Variants in CCDC85A observed in about 807,000 individuals in gnomAD.
CCDC85A encodes coiled-coil domain-containing protein 85A.
A neutral mutation model predicts 50.2 loss-of-function variants in CCDC85A; 38 were observed. The observed-to-expected ratio is 0.76, with a 90% CI of 0.58 to 0.99. The LOEUF (loss-of-function observed/expected upper bound fraction) is 0.99. Ranked by LOEUF, CCDC85A falls within the 50% of genes least tolerant of loss-of-function variation. The pLI, the probability that CCDC85A is intolerant of heterozygous loss-of-function variation, is 0.00. For missense variants in CCDC85A, 820 were observed against 742.0 expected (o/e 1.11, Z -1.22); for synonymous variants, 366 against 301.4 (o/e 1.21, Z -2.22).
intron 2 of CCDC85A, among the ~76,000 whole-genome samples, chr2:56,329,943 CTGTTTTTTTT>C (rs1257261227): frequency 1.7e-3 from 38 of 22,890 alleles, no homozygotes; most frequent in East Asian, 4.0e-3. Flanking sequence ...TACAGATTTC[CTGTTTTTTTT>C]TTTTTTTTTT....
intron 3 of CCDC85A, among the ~76,000 whole-genome samples, chr2:56,349,580 T>C (rs1397990584): frequency 6.6e-6 from 1 of 152,146 alleles, no homozygotes; most frequent in East Asian, 1.9e-4. Flanking sequence ...TCTTCAGAGA[T>C]TTCCTCATAT....
At chr2:56,197,584 G>A (rs901394642) in intron 2 of CCDC85A, among the ~76,000 whole-genome samples, 2 of 152,158 alleles carry the variant, frequency 1.3e-5, no homozygotes, top group Non-Finnish European at 2.9e-5. Context: ...TCTAATGAGT[G>A]GACCAGTTGG....
chr2:56,255,783 A>T (rs1463570880), intron 2 of CCDC85A, among the ~76,000 whole-genome samples: 1 of 152,058 alleles, frequency 6.6e-6, no homozygotes, highest in Non-Finnish European at 1.5e-5. Context: ...TTGTTTTATG[A>T]GGGATAGAGG....
intron 2 of CCDC85A, among the ~76,000 whole-genome samples, chr2:56,203,323 C>G (rs1380178649): frequency 6.6e-6 from 1 of 151,698 alleles, no homozygotes; most frequent in African/African-American, 2.4e-5. Context: ...AGTTTGGAAT[C>G]AAGCTTTTCA....
intron 2 of CCDC85A, among the ~76,000 whole-genome samples, chr2:56,336,701 G>A (rs1202045381): frequency 6.6e-6 from 1 of 152,178 alleles, no homozygotes; most frequent in African/African-American, 2.4e-5. Flanking sequence ...GAAACAAAAG[G>A]GAAGTAAAGA....
chr2:56,261,875 G>T (rs894592262), intron 2 of CCDC85A, among the ~76,000 whole-genome samples: 1 of 152,062 alleles, frequency 6.6e-6, no homozygotes. Flanking sequence ...ATGCACTTTA[G>T]CTCTCAACTG....
chr2:56,305,798 C>T (rs1388732661), intron 2 of CCDC85A, among the ~76,000 whole-genome samples: 1 of 152,138 alleles, frequency 6.6e-6, no homozygotes, highest in Non-Finnish European at 1.5e-5. Context: ...GATTAATTGC[C>T]GAATTTATTT....
rs1675927719 is a variant in CCDC85A at position 56,184,786 on chromosome 2, C to T, written c.162C>T (p.Arg54=). 6 of 1,546,562 alleles carry T rather than the reference C, an allele frequency of 3.9e-6. No homozygotes were observed. Among genetic ancestry groups the T allele is most frequent in the Middle Eastern group, 2.0e-4 (1 of 5,060 alleles). The change falls in exon 1 of 6, where the codon CGC becomes CGT. Residue 54 remains arginine, a synonymous_variant. Transcript: ENST00000407595. ...LLQWSKEELI[R]SLRRAEAEKV... is the part of the protein sequence containing the mutation. ...AGTGGAGCAAGGAGGAGCTGATCCG[C>T]AGCCTGCGGCGCGCCGAGGCGGAGA...
intron 2 of CCDC85A, among the ~76,000 whole-genome samples, chr2:56,303,436 C>T (rs1672296363): frequency 6.6e-6 from 1 of 152,030 alleles, no homozygotes; most frequent in Admixed American, 6.6e-5. Flanking sequence ...AGTGCTTAAT[C>T]AGTATTTATT....
intron 2 of CCDC85A, among the ~76,000 whole-genome samples, chr2:56,278,731 G>A (rs1036652504): frequency 6.6e-6 from 1 of 151,944 alleles, no homozygotes; most frequent in Non-Finnish European, 1.5e-5. Flanking sequence ...CCACCACCAC[G>A]CCCGGCTAAT....
intron 2 of CCDC85A, among the ~76,000 whole-genome samples, chr2:56,306,415 G>A (rs10198922): frequency 0.31 from 47,456 of 151,940 alleles, 7,909 homozygotes; most frequent in East Asian, 0.47. Flanking sequence ...GGTGTAAGCC[G>A]CTGTGCCTGG....
At chr2:56,306,182 T>C (rs1672436502) in intron 2 of CCDC85A, among the ~76,000 whole-genome samples, 1 of 151,974 alleles carries the variant, frequency 6.6e-6, no homozygotes, top group African/African-American at 2.4e-5. Context: ...CAGGCTGGAG[T>C]GCAATGGTGC....
chr2:56,275,526 T>C (rs1464202096), intron 2 of CCDC85A, among the ~76,000 whole-genome samples: 1 of 152,118 alleles, frequency 6.6e-6, no homozygotes, highest in Non-Finnish European at 1.5e-5. Context: ...TTTTATTTAA[T>C]AAATTTTCAC....
In CCDC85A at chr2:56,386,058, T is replaced by C. The variant is rs965686991; in HGVS notation, c.*1703T>C. The C allele has an allele frequency of 6.6e-6, 1 of 152,234 alleles. No homozygotes were observed. Among genetic ancestry groups the C allele is most frequent in the Non-Finnish European group, 1.5e-5 (1 of 67,810 alleles). 9.4% of individuals were successfully genotyped at this position (152,234 alleles called of 1,614,324 possible). ...AAGGGACACTGGTCTTTTGACAAAA[T>C]AAACTTGTGTAAATTTTGATACTGT... is the stretch of plus-strand genomic sequence containing the variant. On this transcript the variant is annotated 3_prime_UTR_variant, in exon 6 of 6. Transcript: ENST00000407595.
At chr2:56,188,792 T>A (rs975086918) in intron 1 of CCDC85A, among the ~76,000 whole-genome samples, 1 of 152,242 alleles carries the variant, frequency 6.6e-6, no homozygotes, top group African/African-American at 2.4e-5. Context: ...GTAGCCTGTT[T>A]TGGCCAGAGG....
chr2:56,263,882 A>G (rs142853064), intron 2 of CCDC85A, among the ~76,000 whole-genome samples: 61 of 152,182 alleles, frequency 4.0e-4, no homozygotes, highest in African/African-American at 1.0e-3. Flanking sequence ...TCCTTGTTCT[A>G]TCTTCCTTCA....
Position 56,193,267 on chromosome 2 carries a change from G to C in CCDC85A, c.1067G>C (p.Gly356Ala). Residue 356 changes from glycine to alanine, a missense_variant, in exon 2 of 6, where the codon GGC becomes GCC. Coordinates refer to ENST00000407595, the MANE Select transcript of CCDC85A (RefSeq NM_001080433.2). The part of the protein sequence containing the change: ...GSLEHLPRAR[G>A]TSPEHLKQHY... ...CTAGAGCATCTCCCCAGAGCCAGGG[G>C]CACCAGCCCGGAGCACCTCAAACAA... 1 of 1,613,474 alleles carries C rather than the reference G, an allele frequency of 6.2e-7. No homozygotes were observed. Among genetic ancestry groups the C allele is most frequent in the South Asian group, 1.1e-5 (1 of 91,038 alleles).
chr2:56,314,751 T>C (rs1978377), intron 2 of CCDC85A, among the ~76,000 whole-genome samples: 56,163 of 152,044 alleles, frequency 0.37, 12,189 homozygotes, highest in African/African-American at 0.6. Context: ...TTTATGAGGC[T>C]GTCCAGTTGG....
rs774735193 is a variant in CCDC85A at position 56,372,421 on chromosome 2, G to T, written c.1395G>T (p.Arg465=). The change falls in exon 4 of 6, where the codon CGG becomes CGT. Residue 465 remains arginine, a synonymous_variant. Coordinates refer to ENST00000407595, the MANE Select transcript of CCDC85A (RefSeq NM_001080433.2). The stretch of plus-strand genomic sequence containing the variant: ...AAGGCTGGGGGTCCAGAGCCCGGCG[G>T]GTCTTGCAGTGGTGGCAAGGGTGCC... ...MEKGWGSRAR[R]VLQWWQGCRG... is the part of the protein sequence containing the mutation. The T allele has an allele frequency of 5.0e-6, 8 of 1,608,504 alleles. No individual in the cohort carries two copies. In the East Asian group the frequency reaches 1.6e-4, roughly 32 times the overall value.
Sources: gnomAD v4.1 joint callset for allele counts (sites outside exome capture counted in the v4.1 genomes callset) on GRCh38, gnomAD v4.1.1 for gene constraint, MANE v1.5 for transcripts, NCBI Gene and HGNC (gene_info 2026-07-23, HGNC 2026-07-21) for gene names.